The following CCNY variants were observed in gnomAD, a reference collection of about 807,000 sequenced individuals.
The protein encoded by CCNY is cyclin Y.
In CCNY, 19 loss-of-function variants were observed where a neutral mutation model predicts 42.8. The observed-to-expected ratio is 0.44, with a 90% CI of 0.31 to 0.65. The LOEUF is 0.65. Among genes scored for constraint, CCNY ranks in the 30% least tolerant of loss-of-function variants. The probability of loss-of-function intolerance (pLI) is 0.07; values close to 1 mark genes in which losing one functional copy is unlikely to be tolerated. For synonymous variants in CCNY, 165 were observed against 162.7 expected (o/e 1.01, Z -0.11); for missense variants, 370 against 437.3 (o/e 0.85, Z 1.37).
rs1309542374 is a variant in CCNY at position 35,530,263 on chromosome 10, C to T, written c.579+20C>T. 6.2e-7 allele frequency: 1 copy of T among 1,613,896 alleles called. No homozygotes were observed. Among genetic ancestry groups the T allele is most frequent in the Non-Finnish European group, 8.5e-7 (1 of 1,179,946 alleles). ...ACCCTGGTGAGTGCCCTCAGGATGG[C>T]CACACCCATCCCCAGCCGAGGTGGT... On this transcript the variant is annotated intron_variant, in intron 7 of 9. Coordinates refer to ENST00000374704, the MANE Select transcript of CCNY (RefSeq NM_145012.6). This position sits in a 1 kb window ranked among gnomAD's most constrained non-coding sequence, Gnocchi z 4.3.
chr10:35,468,206 A>G (rs537699315), intron 1 of CCNY, among the ~76,000 whole-genome samples: 1 of 152,294 alleles, frequency 6.6e-6, no homozygotes, highest in African/African-American at 2.4e-5. Context: ...ACATGGCAAA[A>G]GGGGCAAGGA....
At chr10:35,493,530 G>A (rs751537716) in intron 2 of CCNY, among the ~76,000 whole-genome samples, 14 of 152,166 alleles carry the variant, frequency 9.2e-5, no homozygotes, top group African/African-American at 2.7e-4. Flanking sequence ...TGGCTGCCCC[G>A]TGACATCTAG....
At chr10:35,415,503 A>G (rs2135254275) in intron 1 of CCNY, among the ~76,000 whole-genome samples, 1 of 151,366 alleles carries the variant, frequency 6.6e-6, no homozygotes. Flanking sequence ...GGACTCTCAG[A>G]GGAGATGGAG....
chr10:35,542,991 A>G (rs78212421), intron 7 of CCNY, among the ~76,000 whole-genome samples: 9,133 of 152,320 alleles, frequency 0.06, 832 homozygotes, highest in African/African-American at 0.2. Context: ...TACAAATTAT[A>G]TTCATCTTAG....
intron 3 of CCNY, among the ~76,000 whole-genome samples, chr10:35,302,459 C>T (rs1478212325): frequency 6.6e-6 from 1 of 151,760 alleles, no homozygotes; most frequent in East Asian, 2.0e-4. Flanking sequence ...TGCAGGCATG[C>T]ACCACCATGC....
chr10:35,252,493 G>A (rs1482724849), intron 3 of CCNY, among the ~76,000 whole-genome samples: 1 of 148,314 alleles, frequency 6.7e-6, no homozygotes, highest in Non-Finnish European at 1.5e-5. Flanking sequence ...GTGAACCTGG[G>A]AAGCGGAGCT....
Position 35,344,107 on chromosome 10 carries a change from T to C in CCNY, c.154+6900T>C, listed in dbSNP as rs377640831. Among the ~76,000 whole-genome samples the C allele has an allele frequency of 6.3e-4, 96 of 152,338 alleles. 1 individual carries two copies. The South Asian group carries it at 0.018, about 29-fold the overall frequency. ...CATCCTCTTCAGATGTTGAGTAGTTTGTTGCTTGGAGCCTTGGTCAGGAGA... is the reference window on the plus strand; with the variant it reads ...CATCCTCTTCAGATGTTGAGTAGTTCGTTGCTTGGAGCCTTGGTCAGGAGA... On this transcript the variant is annotated intron_variant, in intron 1 of 9. Coordinates refer to ENST00000374704, the MANE Select transcript of CCNY (RefSeq NM_145012.6).
chr10:35,406,549 A>G lies in CCNY; in HGVS notation c.154+69342A>G, dbSNP rs1490164961. Among the ~76,000 whole-genome samples, 8 of 152,284 alleles carry G rather than the reference A, an allele frequency of 5.3e-5. No homozygotes were observed. In the East Asian group the frequency reaches 1.5e-3, roughly 29 times the overall value. ...TTCAGAGAGCACAGGGTTGGGGGTA[A>G]GGTCACAGATCAACAGGATCCCAAG... is the stretch of plus-strand genomic sequence containing the variant. On this transcript the variant is annotated intron_variant, in intron 1 of 9. Coordinates refer to ENST00000374704, the MANE Select transcript of CCNY (RefSeq NM_145012.6).
intron 3 of CCNY, among the ~76,000 whole-genome samples, chr10:35,504,517 C>T (rs1840175751): frequency 6.6e-6 from 1 of 152,170 alleles, no homozygotes; most frequent in Non-Finnish European, 1.5e-5. Flanking sequence ...AAATAAACCA[C>T]TTTGGATGTT....
At chr10:35,259,012 G>A (rs1049395120) in intron 3 of CCNY, among the ~76,000 whole-genome samples, 7 of 151,328 alleles carry the variant, frequency 4.6e-5, no homozygotes, top group African/African-American at 7.3e-5. Flanking sequence ...AGCTGCTACC[G>A]CACCAAGAGC....
chr10:35,305,923 CAGAA>C (rs1262534599), intron 3 of CCNY, among the ~76,000 whole-genome samples: 2 of 152,170 alleles, frequency 1.3e-5, no homozygotes, highest in African/African-American at 4.8e-5. Context: ...ATTTCTATCA[CAGAA>C]GGAGTTGATA....
intron 3 of CCNY, among the ~76,000 whole-genome samples, chr10:35,276,064 T>A (rs1040187477): frequency 1.1e-4 from 16 of 152,232 alleles, no homozygotes; most frequent in Admixed American, 2.0e-4. Flanking sequence ...ACATTTGTCA[T>A]GTTTCTGCAG....
intron 8 of CCNY, among the ~76,000 whole-genome samples, chr10:35,560,340 G>T (rs1442294850): frequency 6.6e-6 from 1 of 152,188 alleles, no homozygotes; most frequent in Non-Finnish European, 1.5e-5. Context: ...TAGTGTTTGA[G>T]AATGTAACCA....
intron 5 of CCNY, among the ~76,000 whole-genome samples, chr10:35,529,601 A>G (rs1405446947): frequency 6.6e-6 from 1 of 151,984 alleles, no homozygotes; most frequent in Non-Finnish European, 1.5e-5. Context: ...AGTGGCTCAC[A>G]CCTGTAATCC....
chr10:35,380,722 G>A (rs1462339692), intron 1 of CCNY, among the ~76,000 whole-genome samples: 1 of 152,102 alleles, frequency 6.6e-6, no homozygotes, highest in African/African-American at 2.4e-5. Flanking sequence ...GAGAGATTAA[G>A]AACCTTGCCT....
chr10:35,454,934 T>C (rs1317469986), intron 1 of CCNY, among the ~76,000 whole-genome samples: 5 of 151,882 alleles, frequency 3.3e-5, no homozygotes, highest in African/African-American at 1.2e-4. Context: ...GCCTAGAGAG[T>C]TTTCAGGAGG....
At chr10:35,313,977 GA>G (rs71523375) in intron 3 of CCNY, among the ~76,000 whole-genome samples, 2,557 of 79,768 alleles carry the variant, frequency 0.032, 64 homozygotes, top group African/African-American at 0.1. Context: ...GTTCATCTCG[GA>G]AAAAAAAAAA....
chr10:35,345,400 C>T lies in CCNY; in HGVS notation c.154+8193C>T, dbSNP rs548951697. ...AGGAGAATGGCGTGAACCCAGGAGG[C>T]GGAGCTTGCAGTGAACCGAGGTAGC... On this transcript the variant is annotated intron_variant, in intron 1 of 9. Transcript: ENST00000374704. Among the ~76,000 whole-genome samples the T allele has an allele frequency of 1.1e-4, 17 of 148,776 alleles. No homozygotes were observed. In the South Asian group the frequency reaches 2.6e-3, roughly 23 times the overall value.
chr10:35,472,148 TC>T (rs1228153594), intron 1 of CCNY, among the ~76,000 whole-genome samples: 1 of 152,208 alleles, frequency 6.6e-6, no homozygotes, highest in African/African-American at 2.4e-5. Flanking sequence ...GTGGTGGACA[TC>T]CTGCCCATTG....
Sources: gnomAD v4.1 joint callset for allele counts (sites outside exome capture counted in the v4.1 genomes callset) on GRCh38, gnomAD v4.1.1 for gene constraint, Gnocchi (gnomAD v3.1) non-coding constraint, MANE v1.5 for transcripts, NCBI Gene and HGNC (gene_info 2026-07-23, HGNC 2026-07-21) for gene names.